SORCS3: variants seen among roughly 807,000 people sequenced by gnomAD.
SORCS3 encodes the protein sortilin related VPS10 domain containing receptor 3, also known as VPS10 domain-containing receptor SorCS3.
In SORCS3, 57 loss-of-function variants were observed where a neutral mutation model predicts 146.3. The ratio of observed to expected loss-of-function variants is 0.39; its 90% CI spans 0.31 to 0.49. The LOEUF (loss-of-function observed/expected upper bound fraction) is 0.49, where lower values mean the gene tolerates loss of function less well. SORCS3 is among the 20% of genes least tolerant of loss of function. SORCS3 has a pLI of 0.92. For synonymous variants in SORCS3, 653 were observed against 618.5 expected, an observed-to-expected ratio of 1.06 and a Z score of -0.83; for missense variants, 1,341 against 1,575.5, an observed-to-expected ratio of 0.85 and a Z score of 2.52.
At chr10:105,088,904 G>T (rs1208288308) in intron 5 of SORCS3, among the ~76,000 whole-genome samples, 1 of 152,210 alleles carries the variant, frequency 6.6e-6, no homozygotes, top group South Asian at 2.1e-4. Flanking sequence ...TCTTAGAATA[G>T]TGTATAAACT....
At chr10:105,194,276 G>A (rs1371434469) in intron 14 of SORCS3, among the ~76,000 whole-genome samples, 2 of 152,132 alleles carry the variant, frequency 1.3e-5, no homozygotes, top group East Asian at 3.9e-4. Flanking sequence ...TTTGAGCCAA[G>A]CCTATTGAAA....
chr10:104,690,639 A>G (rs184310333), intron 1 of SORCS3, among the ~76,000 whole-genome samples: 44 of 152,264 alleles, frequency 2.9e-4, no homozygotes, highest in East Asian at 7.7e-4. Flanking sequence ...TATTCACTGT[A>G]CAAACAGAAG....
intron 1 of SORCS3, among the ~76,000 whole-genome samples, chr10:104,667,354 A>G (rs543217847): frequency 3.3e-5 from 5 of 151,986 alleles, no homozygotes; most frequent in Admixed American, 1.3e-4. Flanking sequence ...CCTTCTCCTG[A>G]GATCTTCCTG....
At chr10:104,740,747 GA>G (rs2016831532) in intron 1 of SORCS3, among the ~76,000 whole-genome samples, 1 of 152,156 alleles carries the variant, frequency 6.6e-6, no homozygotes, top group East Asian at 1.9e-4. Flanking sequence ...TCAAGGCAAG[GA>G]AAGTGGTTTG....
chr10:105,032,146 TGC>T (rs1221073214), intron 4 of SORCS3, among the ~76,000 whole-genome samples: 1 of 152,112 alleles, frequency 6.6e-6, no homozygotes, highest in African/African-American at 2.4e-5. Flanking sequence ...GAGCCACGAT[TGC>T]GCCACTGCAC....
At chr10:104,901,203 T>C (rs1040109958) in intron 2 of SORCS3, among the ~76,000 whole-genome samples, 1 of 152,216 alleles carries the variant, frequency 6.6e-6, no homozygotes, top group Non-Finnish European at 1.5e-5. Context: ...TTGTGATAAA[T>C]GCTTCATGTG....
chr10:104,709,873 C>T (rs758063447), intron 1 of SORCS3, among the ~76,000 whole-genome samples: 1 of 151,364 alleles, frequency 6.6e-6, no homozygotes, highest in Non-Finnish European at 1.5e-5. Flanking sequence ...CCATTAAAAA[C>T]ACAAACTCAG....
intron 2 of SORCS3, among the ~76,000 whole-genome samples, chr10:104,888,276 A>G (rs1402041936): frequency 2.0e-5 from 3 of 152,256 alleles, no homozygotes; most frequent in African/African-American, 7.2e-5. Context: ...AATCAAATCC[A>G]TAAATCCCTA....
intron 1 of SORCS3, among the ~76,000 whole-genome samples, chr10:104,653,845 A>C (rs993949086): frequency 1.3e-5 from 2 of 152,164 alleles, no homozygotes; most frequent in African/African-American, 4.8e-5. Context: ...AAAATGTACA[A>C]TTAAAATTAT....
At chr10:104,678,755 C>T (rs1018225096) in intron 1 of SORCS3, among the ~76,000 whole-genome samples, 2 of 152,084 alleles carry the variant, frequency 1.3e-5, no homozygotes, top group Non-Finnish European at 2.9e-5. Context: ...CTGTGGTATC[C>T]CTCAAAGTTG....
At chr10:105,107,141 A>C (rs2055827719) in intron 7 of SORCS3, among the ~76,000 whole-genome samples, 1 of 152,116 alleles carries the variant, frequency 6.6e-6, no homozygotes, top group South Asian at 2.1e-4. Flanking sequence ...TGACCCTTAC[A>C]CAGTTTGTGG....
At chr10:105,098,382 A>G (rs1358486685) in intron 6 of SORCS3, among the ~76,000 whole-genome samples, 1 of 152,234 alleles carries the variant, frequency 6.6e-6, no homozygotes, top group Non-Finnish European at 1.5e-5. Context: ...ACATTATATT[A>G]CATTCCAAAA....
intron 1 of SORCS3, among the ~76,000 whole-genome samples, chr10:104,765,132 G>A (rs1028939485): frequency 3.9e-5 from 6 of 152,150 alleles, no homozygotes; most frequent in African/African-American, 1.2e-4. Context: ...CTATATTTAC[G>A]TTTCTTTCCT....
intron 6 of SORCS3, among the ~76,000 whole-genome samples, chr10:105,095,274 T>C (rs2055737928): frequency 1.3e-5 from 2 of 152,150 alleles, no homozygotes; most frequent in South Asian, 4.1e-4. Context: ...AATTTAGGAA[T>C]GATTCTGAGA....
At chr10:105,190,542 G>A (rs1366175531) in intron 14 of SORCS3, among the ~76,000 whole-genome samples, 2 of 152,154 alleles carry the variant, frequency 1.3e-5, no homozygotes, top group African/African-American at 4.8e-5. Context: ...GGGATTACAG[G>A]TGCGTGCCAC....
chr10:104,697,941 A>T (rs2016236152), intron 1 of SORCS3, among the ~76,000 whole-genome samples: 1 of 152,052 alleles, frequency 6.6e-6, no homozygotes, highest in African/African-American at 2.4e-5. Context: ...TAATTCTGTC[A>T]CTCAGGAATC....
chr10:105,166,102 T>TG (rs1219574533), intron 12 of SORCS3, among the ~76,000 whole-genome samples: 2 of 152,148 alleles, frequency 1.3e-5, no homozygotes, highest in African/African-American at 4.8e-5. Context: ...CTTTGTGCAT[T>TG]GGGGCTCATC....
intron 20 of SORCS3, among the ~76,000 whole-genome samples, chr10:105,236,356 G>A (rs775173015): frequency 1.3e-5 from 2 of 152,174 alleles, no homozygotes; most frequent in Non-Finnish European, 2.9e-5. Flanking sequence ...TCTCCTGGAG[G>A]TTACATAATC....
chr10:104,945,362 A>G (rs936593375), intron 3 of SORCS3, among the ~76,000 whole-genome samples: 1 of 151,982 alleles, frequency 6.6e-6, no homozygotes, highest in Non-Finnish European at 1.5e-5. Flanking sequence ...GGTTTAAGTG[A>G]TTCTCCTGCC....
Sources: gnomAD v4.1 joint callset for allele counts (sites outside exome capture counted in the v4.1 genomes callset) on GRCh38, gnomAD v4.1.1 for gene constraint, MANE v1.5 for transcripts, NCBI Gene and HGNC (gene_info 2026-07-23, HGNC 2026-07-21) for gene names.